Variants in SUCLG2 observed in about 807,000 individuals in gnomAD.
SUCLG2 encodes the protein succinate--CoA ligase [GDP-forming] subunit beta, mitochondrial.
In SUCLG2, 42 loss-of-function variants were observed where a neutral mutation model predicts 47.9. The ratio of observed to expected loss-of-function variants is 0.88; its 90% CI spans 0.69 to 1.14. SUCLG2 has a LOEUF of 1.14. SUCLG2 is among the 50% of genes most tolerant of loss of function. SUCLG2 has a pLI of 0.00. For synonymous variants in SUCLG2, 195 were observed against 197.3 expected, an observed-to-expected ratio of 0.99 and a Z score of 0.10; for missense variants, 571 against 525.9, an observed-to-expected ratio of 1.09 and a Z score of -0.84.
At chr3:67,600,517 T>C (rs1408395385) in intron 2 of SUCLG2, among the ~76,000 whole-genome samples, 1 of 152,246 alleles carries the variant, frequency 6.6e-6, no homozygotes, top group African/African-American at 2.4e-5. Context: ...ATGGGAGCTC[T>C]GTTCTGACTG....
chr3:67,628,885 T>C (rs58637570), intron 1 of SUCLG2, among the ~76,000 whole-genome samples: 9,135 of 152,230 alleles, frequency 0.06, 396 homozygotes, highest in African/African-American at 0.12. Context: ...GAATTATATA[T>C]AGCAAGAACT....
At chr3:67,386,142 G>A (rs933706005) in intron 10 of SUCLG2, among the ~76,000 whole-genome samples, 12 of 152,160 alleles carry the variant, frequency 7.9e-5, no homozygotes, top group African/African-American at 2.4e-4. Context: ...AGACTGGAGT[G>A]CAGTGGCGCG....
chr3:67,511,015 C>T (rs1705773337), intron 6 of SUCLG2, among the ~76,000 whole-genome samples: 1 of 151,730 alleles, frequency 6.6e-6, no homozygotes, highest in African/African-American at 2.4e-5. Flanking sequence ...CTCAGCCTCC[C>T]GAGTAGCTAG....
intron 10 of SUCLG2, among the ~76,000 whole-genome samples, chr3:67,390,297 T>C (rs139575543): frequency 2.8e-3 from 419 of 152,342 alleles, no homozygotes; most frequent in African/African-American, 9.4e-3. Flanking sequence ...TTTTAAAGAT[T>C]CTGTTGCCCA....
chr3:67,382,064 T>C (rs557369233), intron 10 of SUCLG2, among the ~76,000 whole-genome samples: 1 of 152,334 alleles, frequency 6.6e-6, no homozygotes, highest in African/African-American at 2.4e-5. Context: ...ATGTAGAAAC[T>C]GTAATTTAAA....
At chr3:67,482,649 T>C (rs1704948069) in intron 9 of SUCLG2, among the ~76,000 whole-genome samples, 2 of 152,058 alleles carry the variant, frequency 1.3e-5, no homozygotes, top group African/African-American at 2.4e-5. Context: ...ACACAGAAAA[T>C]ATCAGAAATC....
chr3:67,478,255 A>G (rs1240142240), intron 9 of SUCLG2, among the ~76,000 whole-genome samples: 2 of 152,214 alleles, frequency 1.3e-5, no homozygotes, highest in Non-Finnish European at 2.9e-5. Context: ...TGGAATGACA[A>G]CAAAGTACCA....
chr3:67,614,657 T>A (rs544545832), intron 1 of SUCLG2, among the ~76,000 whole-genome samples: 1 of 152,172 alleles, frequency 6.6e-6, no homozygotes, highest in East Asian at 1.9e-4. Flanking sequence ...ATGGCAGTGA[T>A]CCACTTTTAA....
chr3:67,609,034 C>A (rs1700480177), intron 2 of SUCLG2, among the ~76,000 whole-genome samples: 1 of 152,162 alleles, frequency 6.6e-6, no homozygotes, highest in African/African-American at 2.4e-5. Context: ...CCTGGCGGAA[C>A]TGAGGACACA....
At chr3:67,570,633 T>A (rs777982985) in intron 2 of SUCLG2, among the ~76,000 whole-genome samples, 1 of 152,202 alleles carries the variant, frequency 6.6e-6, no homozygotes, top group Non-Finnish European at 1.5e-5. Flanking sequence ...CATGCCTATA[T>A]AGTGAAGCTC....
chr3:67,651,800 A>G (rs1701290400), intron 1 of SUCLG2, among the ~76,000 whole-genome samples: 1 of 152,238 alleles, frequency 6.6e-6, no homozygotes, highest in African/African-American at 2.4e-5. Flanking sequence ...AAAACACACC[A>G]TATCAAATAG....
At chr3:67,389,943 C>T (rs149621347) in intron 10 of SUCLG2, among the ~76,000 whole-genome samples, 17 of 152,262 alleles carry the variant, frequency 1.1e-4, no homozygotes, top group African/African-American at 3.6e-4. Flanking sequence ...GAGGTGAAAA[C>T]GGGTCTCCAT....
intron 2 of SUCLG2, among the ~76,000 whole-genome samples, chr3:67,606,371 G>A (rs1010204933): frequency 3.3e-5 from 5 of 152,154 alleles, no homozygotes; most frequent in Non-Finnish European, 7.3e-5. Context: ...TGCCTAAGAG[G>A]GGTGAGGGGA....
rs71109889 is a variant in SUCLG2 at position 67,457,684 on chromosome 3, C to CTTTTTTTT, written c.1062+38106_1062+38113dup. ...TATAACAACAAAAGAACAAAAGCAG[C>CTTTTTTTT]TTTTTTTTTTTTTTTTTTTTTTTTT... On this transcript the variant is annotated intron_variant, in intron 9 of 10. Transcript: ENST00000307227. 2.1e-4 allele frequency among the ~76,000 whole-genome samples: 14 copies of CTTTTTTTT among 65,504 alleles called. 1 individual carries two copies. Among genetic ancestry groups the CTTTTTTTT allele is most frequent in the African/African-American group, 9.1e-4 (12 of 13,230 alleles). 43.0% of individuals were successfully genotyped at this position (65,504 alleles called of 152,430 possible).
intron 1 of SUCLG2, among the ~76,000 whole-genome samples, chr3:67,643,110 G>C (rs1701130516): frequency 6.6e-6 from 1 of 152,190 alleles, no homozygotes. Context: ...CATTCATCAA[G>C]TCTACAATAA....
intron 2 of SUCLG2, among the ~76,000 whole-genome samples, chr3:67,547,019 C>T (rs1054141033): frequency 2.6e-5 from 4 of 152,078 alleles, no homozygotes; most frequent in Non-Finnish European, 4.4e-5. Flanking sequence ...TTTTCTATAC[C>T]CCCACATTCT....
At chr3:67,541,182 GA>G (rs56178220) in intron 2 of SUCLG2, among the ~76,000 whole-genome samples, 3 of 151,974 alleles carry the variant, frequency 2.0e-5, no homozygotes, top group Admixed American at 1.3e-4. Context: ...GCCACCAAGG[GA>G]AAAAAACTGG....
At chr3:67,587,311 T>C (rs1269995535) in intron 2 of SUCLG2, among the ~76,000 whole-genome samples, 1 of 152,060 alleles carries the variant, frequency 6.6e-6, no homozygotes, top group Non-Finnish European at 1.5e-5. Flanking sequence ...CCGTCTGATC[T>C]ACCTGGAGAC....
At chr3:67,615,739 T>C (rs1700616852) in intron 1 of SUCLG2, among the ~76,000 whole-genome samples, 1 of 151,696 alleles carries the variant, frequency 6.6e-6, no homozygotes, top group Non-Finnish European at 1.5e-5. Context: ...GCAACCACCT[T>C]CCAAAACAAT....
Sources: gnomAD v4.1 joint callset for allele counts (sites outside exome capture counted in the v4.1 genomes callset) on GRCh38, gnomAD v4.1.1 for gene constraint, MANE v1.5 for transcripts, NCBI Gene and HGNC (gene_info 2026-07-23, HGNC 2026-07-21) for gene names.